The following NLGN1 variants were observed in gnomAD, a reference collection of about 807,000 sequenced individuals.
NLGN1 encodes neuroligin-1.
In NLGN1, 12 loss-of-function variants were observed where a neutral mutation model predicts 65.5. The ratio of observed to expected loss-of-function variants is 0.18; its 90% CI spans 0.12 to 0.30. The LOEUF is 0.30. Ranked by LOEUF, NLGN1 falls within the 10% of genes least tolerant of loss-of-function variation. NLGN1 has a pLI of 1.00. For missense variants in NLGN1, 750 were observed against 1,007.1 expected (o/e 0.74, Z 3.46); for synonymous variants, 350 against 359.5 (o/e 0.97, Z 0.30).
intron 4 of NLGN1, among the ~76,000 whole-genome samples, chr3:173,842,823 A>G (rs867984571): frequency 3.3e-5 from 5 of 152,080 alleles, no homozygotes; most frequent in African/African-American, 1.2e-4. Flanking sequence ...TGGATCTACT[A>G]TTCTGGAGTC....
intron 4 of NLGN1, among the ~76,000 whole-genome samples, chr3:174,265,777 A>ATATG (rs1315774679): frequency 0.039 from 4,793 of 121,790 alleles, 106 homozygotes; most frequent in Middle Eastern, 0.061. Flanking sequence ...ATATATATAT[A>ATATG]TATATGTATA....
intron 3 of NLGN1, among the ~76,000 whole-genome samples, chr3:173,677,454 T>C (rs1346620689): frequency 2.0e-5 from 3 of 152,060 alleles, no homozygotes; most frequent in Non-Finnish European, 4.4e-5. Flanking sequence ...TTTTAATAAA[T>C]TTGTCATTTA....
chr3:174,102,036 A>G (rs1305333114), intron 4 of NLGN1, among the ~76,000 whole-genome samples: 1 of 152,190 alleles, frequency 6.6e-6, no homozygotes, highest in South Asian at 2.1e-4. Flanking sequence ...TCAAATAATA[A>G]ATATGTTAAT....
intron 4 of NLGN1, among the ~76,000 whole-genome samples, chr3:173,852,084 C>T (rs1180611712): frequency 6.6e-6 from 1 of 151,748 alleles, no homozygotes; most frequent in East Asian, 1.9e-4. Context: ...GTGGTTGGCG[C>T]GGTGGCTCAC....
At chr3:173,695,506 T>A (rs1341039100) in intron 3 of NLGN1, 3 of 310,760 alleles carry the variant, frequency 9.7e-6, no homozygotes, top group South Asian at 5.9e-5. Context: ...AAAATTTTAT[T>A]TATAAAACTA....
intron 2 of NLGN1, among the ~76,000 whole-genome samples, chr3:173,457,776 G>C (rs992343987): frequency 6.6e-6 from 1 of 152,094 alleles, no homozygotes; most frequent in Non-Finnish European, 1.5e-5. Flanking sequence ...AGGAGGTGGA[G>C]ATGATGAAAA....
At chr3:173,943,838 G>T (rs1196435472) in intron 4 of NLGN1, among the ~76,000 whole-genome samples, 1 of 152,142 alleles carries the variant, frequency 6.6e-6, no homozygotes, top group Non-Finnish European at 1.5e-5. Context: ...AGAAAGCAAC[G>T]TTGTATTTCT....
intron 3 of NLGN1, among the ~76,000 whole-genome samples, chr3:173,801,083 A>G (rs1448011880): frequency 6.6e-6 from 1 of 152,002 alleles, no homozygotes; most frequent in Non-Finnish European, 1.5e-5. Flanking sequence ...TGATTTCCAG[A>G]TTGTCAAATA....
At chr3:173,512,982 A>AC (rs1227371841) in intron 2 of NLGN1, among the ~76,000 whole-genome samples, 1 of 151,964 alleles carries the variant, frequency 6.6e-6, no homozygotes, top group Non-Finnish European at 1.5e-5. Flanking sequence ...TCTTTTGGTG[A>AC]CCCCCTATCC....
chr3:173,862,989 A>C (rs1325052123), intron 4 of NLGN1, among the ~76,000 whole-genome samples: 1 of 152,178 alleles, frequency 6.6e-6, no homozygotes, highest in East Asian at 1.9e-4. Context: ...AATCACCTTA[A>C]TATAATAGGT....
At chr3:173,587,743 G>C (rs1396962144) in intron 2 of NLGN1, among the ~76,000 whole-genome samples, 1 of 152,154 alleles carries the variant, frequency 6.6e-6, no homozygotes, top group Admixed American at 6.6e-5. Flanking sequence ...TAAGTGACAA[G>C]AAATAACATT....
At chr3:173,918,694 GTGTGTGTGTATATA>G (rs1255181528) in intron 4 of NLGN1, among the ~76,000 whole-genome samples, 184 of 137,658 alleles carry the variant, frequency 1.3e-3, no homozygotes, top group African/African-American at 4.7e-3. Context: ...GTGTGTGTGT[GTGTGTGTGTATATA>G]TATATATTGC....
chr3:174,118,142 G>A (rs1053555792), intron 4 of NLGN1, among the ~76,000 whole-genome samples: 1 of 152,088 alleles, frequency 6.6e-6, no homozygotes, highest in Non-Finnish European at 1.5e-5. Context: ...TTGAGCCATT[G>A]CCACTTACAA....
At chr3:173,820,187 A>C (rs9813636) in intron 4 of NLGN1, among the ~76,000 whole-genome samples, 17,571 of 151,556 alleles carry the variant, frequency 0.12, 1,217 homozygotes, top group African/African-American at 0.16. Context: ...TCGAAAAAAA[A>C]AAAAAAAAAA....
rs188353388 is a variant in NLGN1, at chr3:173,428,146, A to G, written c.-389-6864A>G. Among the ~76,000 whole-genome samples, 592 of 151,716 alleles carry G rather than the reference A, an allele frequency of 3.9e-3. 10 individuals carry two copies. The highest frequency in any genetic ancestry group is 0.014 in the African/African-American group (561 of 41,488). On this transcript the variant is annotated intron_variant, in intron 1 of 6. Transcript: ENST00000457714. ...TAGCTACTGCTTTTTTATGGTTTCC[A>G]TTTGTATGGAATCTTTTTTTTCTCC...
chr3:174,118,600 T>A (rs927551431), intron 4 of NLGN1, among the ~76,000 whole-genome samples: 1 of 152,144 alleles, frequency 6.6e-6, no homozygotes, highest in Non-Finnish European at 1.5e-5. Context: ...AGGAAACATC[T>A]CACCAAAGAA....
At chr3:173,910,799 C>T (rs1739435652) in intron 4 of NLGN1, 2 of 152,156 alleles carry the variant, frequency 1.3e-5, no homozygotes, top group Admixed American at 6.5e-5. Context: ...CTGTTTTGAT[C>T]TCATTGTAAC....
At chr3:174,156,174 A>G (rs736027) in intron 4 of NLGN1, among the ~76,000 whole-genome samples, 13,881 of 151,932 alleles carry the variant, frequency 0.091, 1,064 homozygotes, top group African/African-American at 0.21. Flanking sequence ...GCATGTATGG[A>G]GTAAAGGTGG....
At chr3:173,669,275 T>C (rs1441153878) in intron 3 of NLGN1, among the ~76,000 whole-genome samples, 2 of 152,192 alleles carry the variant, frequency 1.3e-5, no homozygotes, top group Non-Finnish European at 2.9e-5. Flanking sequence ...TTCTATTAGT[T>C]TCCCAGGGCT....
Sources: gnomAD v4.1 joint callset for allele counts (sites outside exome capture counted in the v4.1 genomes callset) on GRCh38, gnomAD v4.1.1 for gene constraint, MANE v1.5 for transcripts, NCBI Gene and HGNC (gene_info 2026-07-23, HGNC 2026-07-21) for gene names.